The following CNTN4 variants were observed in gnomAD, a reference collection of about 807,000 sequenced individuals.
The protein encoded by CNTN4 is contactin 4.
In CNTN4, 77 loss-of-function variants were observed where a neutral mutation model predicts 122.5. The ratio of observed to expected loss-of-function variants is 0.63; its 90% CI spans 0.52 to 0.76. The LOEUF is 0.76. Ranked by LOEUF, CNTN4 falls within the 30% of genes least tolerant of loss-of-function variation. The pLI, the probability that CNTN4 is intolerant of heterozygous loss-of-function variation, is 0.00. For synonymous variants in CNTN4, 512 were observed against 447.0 expected (o/e 1.15, Z -1.83); for missense variants, 1,256 against 1,259.1 (o/e 1.00, Z 0.04).
chr3:2,529,047 G>A (rs1195785304), intron 3 of CNTN4, among the ~76,000 whole-genome samples: 1 of 151,986 alleles, frequency 6.6e-6, no homozygotes. Flanking sequence ...CAGTACAACT[G>A]ATTTATCCTA....
intron 17 of CNTN4, among the ~76,000 whole-genome samples, chr3:3,035,834 C>T (rs1177160917): frequency 1.3e-5 from 2 of 151,900 alleles, no homozygotes; most frequent in African/African-American, 2.4e-5. Context: ...GGATTTCAGG[C>T]GTGAGCCACT....
intron 3 of CNTN4, among the ~76,000 whole-genome samples, chr3:2,505,702 T>C (rs1247588737): frequency 6.6e-6 from 1 of 152,216 alleles, no homozygotes; most frequent in Non-Finnish European, 1.5e-5. Context: ...GATTTCCCTA[T>C]ATTTGACATT....
intron 2 of CNTN4, among the ~76,000 whole-genome samples, chr3:2,159,777 T>C (rs919902935): frequency 6.6e-6 from 1 of 152,086 alleles, no homozygotes; most frequent in Admixed American, 6.5e-5. Flanking sequence ...ATTATGTTTG[T>C]CCCACAATCA....
intron 4 of CNTN4, among the ~76,000 whole-genome samples, chr3:2,663,175 G>T (rs781292334): frequency 1.3e-5 from 2 of 152,082 alleles, no homozygotes; most frequent in Non-Finnish European, 2.9e-5. Context: ...TAAGGAGCTT[G>T]TATTTTACTT....
At chr3:2,564,716 C>T (rs1018287406) in intron 3 of CNTN4, among the ~76,000 whole-genome samples, 5 of 151,732 alleles carry the variant, frequency 3.3e-5, no homozygotes, top group African/African-American at 4.8e-5. Flanking sequence ...AGGTTACTTC[C>T]GTTTTTTGAA....
intron 13 of CNTN4, among the ~76,000 whole-genome samples, chr3:2,943,631 T>TATATA (rs58830808): frequency 3.2e-3 from 119 of 37,406 alleles, no homozygotes; most frequent in East Asian, 8.0e-3. Context: ...TATATATATA[T>TATATA]TTTTTTTTTT....
intron 2 of CNTN4, among the ~76,000 whole-genome samples, chr3:2,227,041 A>C (rs1450062020): frequency 6.6e-6 from 1 of 152,134 alleles, no homozygotes; most frequent in Non-Finnish European, 1.5e-5. Context: ...TGCTGTATAG[A>C]ATGTGATAGA....
chr3:2,478,665 T>C (rs188993251), intron 3 of CNTN4, among the ~76,000 whole-genome samples: 3 of 152,296 alleles, frequency 2.0e-5, no homozygotes. Context: ...CTCCCACTTA[T>C]AAGTGAGAAC....
chr3:2,950,681 T>G (rs531387101), intron 13 of CNTN4, among the ~76,000 whole-genome samples: 2 of 152,340 alleles, frequency 1.3e-5, no homozygotes, highest in South Asian at 4.1e-4. Context: ...TGAGCTCCCT[T>G]GTCAGTGCTT....
chr3:2,199,971 T>C (rs909887141), intron 2 of CNTN4, among the ~76,000 whole-genome samples: 5 of 152,184 alleles, frequency 3.3e-5, no homozygotes, highest in Non-Finnish European at 5.9e-5. Flanking sequence ...GAAGATGAGC[T>C]ATCAGAGAAA....
intron 3 of CNTN4, among the ~76,000 whole-genome samples, chr3:2,381,233 C>T (rs1206656894): frequency 3.3e-5 from 5 of 152,244 alleles, no homozygotes; most frequent in Non-Finnish European, 5.9e-5. Flanking sequence ...GTCTCGATCT[C>T]CTGACCTCGT....
intron 3 of CNTN4, among the ~76,000 whole-genome samples, chr3:2,485,950 C>G (rs930647818): frequency 6.6e-6 from 1 of 152,176 alleles, no homozygotes; most frequent in Admixed American, 6.5e-5. Flanking sequence ...TGGCAACCCG[C>G]GCAGGTGCCC....
At chr3:2,864,106 A>G (rs1476313008) in intron 7 of CNTN4, among the ~76,000 whole-genome samples, 1 of 152,218 alleles carries the variant, frequency 6.6e-6, no homozygotes, top group African/African-American at 2.4e-5. Context: ...GTGCAACACC[A>G]ATAATAACTA....
intron 2 of CNTN4, among the ~76,000 whole-genome samples, chr3:2,149,409 A>G (rs1457940509): frequency 6.6e-6 from 1 of 152,204 alleles, no homozygotes; most frequent in East Asian, 1.9e-4. Flanking sequence ...GTTACTGACC[A>G]TAAATTACCA....
chr3:2,765,817 T>C (rs768522963), intron 6 of CNTN4, among the ~76,000 whole-genome samples: 4 of 152,164 alleles, frequency 2.6e-5, no homozygotes, highest in Non-Finnish European at 5.9e-5. Context: ...TAGCAAGTAA[T>C]AACCTAAAAC....
chr3:3,030,788 T>G, intron 15 of CNTN4, 67 bp from the exon 16 acceptor site: 1 of 1,548,046 alleles, frequency 6.5e-7, no homozygotes, highest in Non-Finnish European at 8.9e-7. Flanking sequence ...CACCGTGTCC[T>G]TCATGTGATA....
chr3:2,400,891 A>G (rs1157586322), intron 3 of CNTN4, among the ~76,000 whole-genome samples: 1 of 151,632 alleles, frequency 6.6e-6, no homozygotes, highest in Non-Finnish European at 1.5e-5. Context: ...TTCAAACCCC[A>G]TCACAGGTTT....
chr3:2,844,898 C>G (rs2150563842), intron 7 of CNTN4, among the ~76,000 whole-genome samples: 1 of 152,256 alleles, frequency 6.6e-6, no homozygotes, highest in East Asian at 1.9e-4. Context: ...CTGTGGCAAG[C>G]TGAAGGTTCA....
At chr3:2,458,024 T>C (rs9310741) in intron 3 of CNTN4, among the ~76,000 whole-genome samples, 109,117 of 151,980 alleles carry the variant, frequency 0.72, 39,734 homozygotes, top group African/African-American at 0.84. Context: ...TTCAGAGTAA[T>C]GTGTTCCGTC....
Sources: allele counts gnomAD v4.1 joint callset (sites outside exome capture counted in the v4.1 genomes callset), GRCh38; gene constraint gnomAD v4.1.1; transcripts MANE v1.5; gene names NCBI Gene and HGNC (gene_info 2026-07-23, HGNC 2026-07-21).